The following AGBL4 variants were observed in gnomAD, a reference collection of about 807,000 sequenced individuals.
The protein encoded by AGBL4 is cytosolic carboxypeptidase 6.
Under a neutral mutation model 66.4 loss-of-function variants are expected in AGBL4, and 58 were observed. The ratio of observed to expected loss-of-function variants is 0.87; its 90% CI spans 0.71 to 1.09. The LOEUF is 1.09. AGBL4 is among the 50% of genes least tolerant of loss of function. The pLI, the probability that AGBL4 is intolerant of heterozygous loss-of-function variation, is 0.00. For synonymous variants in AGBL4, 234 were observed against 222.9 expected (o/e 1.05, Z -0.44); for missense variants, 579 against 631.0 (o/e 0.92, Z 0.88).
intron 3 of AGBL4, among the ~76,000 whole-genome samples, chr1:49,657,313 C>A (rs943152980): frequency 2.4e-4 from 36 of 152,046 alleles, no homozygotes; most frequent in Admixed American, 2.0e-3. Flanking sequence ...ATGTGAAGGA[C>A]CTCTTCAAGG....
intron 3 of AGBL4, among the ~76,000 whole-genome samples, chr1:49,266,547 T>A (rs911134709): frequency 1.3e-5 from 2 of 152,072 alleles, no homozygotes; most frequent in African/African-American, 4.8e-5. Flanking sequence ...TGCTATGTGC[T>A]GAGATTATAT....
At chr1:48,971,444 G>A (rs1045559968) in intron 5 of AGBL4, among the ~76,000 whole-genome samples, 1 of 151,984 alleles carries the variant, frequency 6.6e-6, no homozygotes, top group African/African-American at 2.4e-5. Context: ...CCACTCTTCT[G>A]TGATACATAC....
intron 5 of AGBL4, among the ~76,000 whole-genome samples, chr1:48,986,683 A>T (rs753021887): frequency 2.6e-5 from 4 of 152,122 alleles, no homozygotes; most frequent in Non-Finnish European, 4.4e-5. Flanking sequence ...AAAGAAAATT[A>T]TGCCAGATGG....
At chr1:49,421,251 C>T (rs568658579) in intron 3 of AGBL4, among the ~76,000 whole-genome samples, 2 of 152,110 alleles carry the variant, frequency 1.3e-5, no homozygotes, top group Admixed American at 1.3e-4. Context: ...CATTCATATG[C>T]TCAAGTACAA....
chr1:49,714,569 C>CATATATATATATATATATATATATAT (rs60965691), intron 2 of AGBL4, among the ~76,000 whole-genome samples: 4 of 141,846 alleles, frequency 2.8e-5, no homozygotes, highest in African/African-American at 1.1e-4. Flanking sequence ...GTAGTATTTA[C>CATATATATATATATATATATATATAT]ATATATATAT....
intron 3 of AGBL4, among the ~76,000 whole-genome samples, chr1:49,599,444 G>A (rs1274873221): frequency 6.6e-6 from 1 of 152,112 alleles, no homozygotes; most frequent in East Asian, 1.9e-4. Flanking sequence ...GGGATCAGTG[G>A]TGATATCCCC....
At chr1:49,371,558 A>C (rs1644345848) in intron 3 of AGBL4, among the ~76,000 whole-genome samples, 1 of 152,138 alleles carries the variant, frequency 6.6e-6, no homozygotes, top group Non-Finnish European at 1.5e-5. Context: ...GCAGAATTAC[A>C]TATACCTCCC....
intron 3 of AGBL4, among the ~76,000 whole-genome samples, chr1:49,538,518 A>C (rs1651775080): frequency 6.6e-6 from 1 of 152,244 alleles, no homozygotes; most frequent in African/African-American, 2.4e-5. Flanking sequence ...AATTATTTTA[A>C]AATGATGCAT....
intron 3 of AGBL4, among the ~76,000 whole-genome samples, chr1:49,331,858 C>A (rs759235189): frequency 6.6e-6 from 1 of 151,790 alleles, no homozygotes; most frequent in African/African-American, 2.4e-5. Flanking sequence ...CTCAGGACCT[C>A]CCAGCCAAGG....
rs577439018 is a variant in AGBL4, at chr1:49,237,258, G to A, written c.377+8512C>T. 1.9e-4 allele frequency among the ~76,000 whole-genome samples: 29 copies of A among 150,356 alleles called. No homozygotes were observed. In the East Asian group the frequency reaches 3.9e-3, roughly 20 times the overall value. ...AGCCTGGGCCACAGAGGGAGACTAC[G>A]TCTAAAAAAAACTAAAAAAAAAAAC... On this transcript the variant is annotated intron_variant, in intron 4 of 13. Transcript: ENST00000371839.
At chr1:49,513,510 T>C (rs924549511) in intron 3 of AGBL4, among the ~76,000 whole-genome samples, 4 of 151,992 alleles carry the variant, frequency 2.6e-5, no homozygotes, top group African/African-American at 9.7e-5. Context: ...AGTGAGAACA[T>C]GTTTGGTTTT....
chr1:48,776,685 G>A (rs1201394789), intron 6 of AGBL4: 1 of 1,513,684 alleles, frequency 6.6e-7, no homozygotes, highest in East Asian at 2.7e-5. Context: ...TCTCGGGCCC[G>A]GCGCCCAATT....
chr1:48,856,655 T>G (rs1934383), intron 6 of AGBL4, among the ~76,000 whole-genome samples: 3 of 152,144 alleles, frequency 2.0e-5, no homozygotes, highest in African/African-American at 2.4e-5. Context: ...AGAGTTGTCA[T>G]GTACTGGGAA....
intron 6 of AGBL4, among the ~76,000 whole-genome samples, chr1:48,720,349 C>T (rs1276754789): frequency 6.6e-6 from 1 of 152,180 alleles, no homozygotes; most frequent in Non-Finnish European, 1.5e-5. Context: ...AGAAGCAGGT[C>T]ATAGAGCAGA....
intron 2 of AGBL4, among the ~76,000 whole-genome samples, chr1:49,777,844 A>G (rs529641840): frequency 1.3e-5 from 2 of 152,266 alleles, no homozygotes; most frequent in East Asian, 3.9e-4. Flanking sequence ...ATCAAAAGAA[A>G]CCTTTTAAAG....
At chr1:49,652,474 C>T (rs1328517399) in intron 3 of AGBL4, among the ~76,000 whole-genome samples, 1 of 152,088 alleles carries the variant, frequency 6.6e-6, no homozygotes, top group African/African-American at 2.4e-5. Flanking sequence ...AGGGACTGCT[C>T]GGGTAGGTGG....
intron 1 of AGBL4, among the ~76,000 whole-genome samples, chr1:50,001,076 A>G (rs1241945913): frequency 6.6e-6 from 1 of 151,762 alleles, no homozygotes; most frequent in Non-Finnish European, 1.5e-5. Context: ...GATATTTGAT[A>G]TTAAGGAATT....
chr1:48,915,469 T>A (rs1557457119), intron 5 of AGBL4, among the ~76,000 whole-genome samples: 1 of 152,202 alleles, frequency 6.6e-6, no homozygotes. Context: ...TTTGTTTATA[T>A]CTCCCATCTC....
chr1:49,554,204 C>A lies in AGBL4; in HGVS notation c.282+143109G>T, dbSNP rs538415044. Among the ~76,000 whole-genome samples, 7 of 152,250 alleles carry A rather than the reference C, an allele frequency of 4.6e-5. No homozygotes were observed. In the South Asian group the frequency reaches 8.3e-4, roughly 18 times the overall value. On this transcript the variant is annotated intron_variant, in intron 3 of 13. Coordinates refer to ENST00000371839, the MANE Select transcript of AGBL4 (RefSeq NM_032785.4). ...AGGATTTAAATCCAGAAGGTCCAAA[C>A]TACAAAGTCCATGGTCTTTCTAATT...
Sources: allele counts gnomAD v4.1 joint callset (sites outside exome capture counted in the v4.1 genomes callset), GRCh38; gene constraint gnomAD v4.1.1; transcripts MANE v1.5; gene names NCBI Gene and HGNC (gene_info 2026-07-23, HGNC 2026-07-21).